Variants in LCLAT1 observed in about 807,000 individuals in gnomAD.
The protein encoded by LCLAT1 is lysocardiolipin acyltransferase 1.
A neutral mutation model predicts 30.7 loss-of-function variants in LCLAT1; 11 were observed. The ratio of observed to expected loss-of-function variants is 0.36; its 90% confidence interval spans 0.23 to 0.59. The LOEUF (loss-of-function observed/expected upper bound fraction) is 0.59. LCLAT1 is among the 20% of genes least tolerant of loss of function. The pLI is 0.77. For missense variants in LCLAT1, 402 were observed against 458.6 expected, an observed-to-expected ratio of 0.88 and a Z score of 1.13; for synonymous variants, 155 against 151.3, an observed-to-expected ratio of 1.02 and a Z score of -0.18.
rs752850355 is a variant in LCLAT1 at position 30,568,074 on chromosome 2, C to G, written c.526C>G (p.Arg176Gly). 2.6e-6 allele frequency: 4 copies of G among 1,560,446 alleles called. No homozygotes were observed. The highest frequency in any genetic ancestry group is 2.3e-5 in the South Asian group (2 of 87,552). ...GTDLTENSKSRSNAFAEKNGL... is the reference protein window; with the variant it reads ...GTDLTENSKSGSNAFAEKNGL... ...GTTTTGTTTAGAAAACAGCAAGTCTCGAAGTAATGCATTTGCTGAAAAAAA... is the reference window on the plus strand; with the variant it reads ...GTTTTGTTTAGAAAACAGCAAGTCTGGAAGTAATGCATTTGCTGAAAAAAA... The change falls in exon 5 of 6, where the codon CGA becomes GGA. Residue 176 changes from arginine (R) to glycine (G), a missense_variant. Coordinates refer to ENST00000379509, the MANE Select transcript of LCLAT1 (RefSeq NM_001002257.3).
At chr2:30,530,158 C>T (rs556395712) in intron 2 of LCLAT1, among the ~76,000 whole-genome samples, 29 of 152,252 alleles carry the variant, frequency 1.9e-4, no homozygotes, top group Non-Finnish European at 4.1e-4. Context: ...TGTTACTCTT[C>T]AATATAAGAA....
intron 3 of LCLAT1, among the ~76,000 whole-genome samples, chr2:30,549,486 T>G (rs1185991198): frequency 6.6e-6 from 1 of 152,168 alleles, no homozygotes; most frequent in Non-Finnish European, 1.5e-5. Context: ...AGAAAGAAAT[T>G]CAGAATTTGG....
chr2:30,617,304 T>C (rs1027587715), intron 5 of LCLAT1, among the ~76,000 whole-genome samples: 4 of 152,170 alleles, frequency 2.6e-5, no homozygotes, highest in Admixed American at 2.0e-4. Flanking sequence ...GTCATCTGTG[T>C]CTGGTTTAAG....
chr2:30,521,492 C>G (rs112179326), intron 1 of LCLAT1, among the ~76,000 whole-genome samples: 1 of 16,816 alleles, frequency 5.9e-5, no homozygotes, highest in African/African-American at 2.4e-4. Context: ...ACTACTTCTT[C>G]TTTTTTTTTT....
At chr2:30,451,919 C>G (rs1236634055) in intron 1 of LCLAT1, among the ~76,000 whole-genome samples, 4 of 152,274 alleles carry the variant, frequency 2.6e-5, no homozygotes, top group African/African-American at 9.6e-5. Flanking sequence ...CAGTAAAAGA[C>G]AATGGATTAT....
chr2:30,478,768 T>C (rs1179889498), intron 1 of LCLAT1, among the ~76,000 whole-genome samples: 1 of 152,162 alleles, frequency 6.6e-6, no homozygotes, highest in Non-Finnish European at 1.5e-5. Context: ...TGAAGTAACT[T>C]TCATAACCAG....
intron 1 of LCLAT1, among the ~76,000 whole-genome samples, chr2:30,505,020 C>T (rs927228427): frequency 6.6e-6 from 1 of 152,258 alleles, no homozygotes; most frequent in East Asian, 1.9e-4. Context: ...TACAGCTTGA[C>T]TGCATTCTTT....
chr2:30,539,556 C>T (rs938805761), intron 3 of LCLAT1, among the ~76,000 whole-genome samples: 1 of 152,046 alleles, frequency 6.6e-6, no homozygotes, highest in South Asian at 2.1e-4. Context: ...TATTTAAGAA[C>T]ATGTGTTATA....
At chr2:30,639,814 C>T (rs751321787) in intron 5 of LCLAT1, among the ~76,000 whole-genome samples, 2 of 152,154 alleles carry the variant, frequency 1.3e-5, no homozygotes, top group Non-Finnish European at 2.9e-5. Flanking sequence ...ATGTTTAATT[C>T]CCATCTCAAA....
intron 3 of LCLAT1, among the ~76,000 whole-genome samples, chr2:30,536,945 A>G (rs1686274688): frequency 6.6e-6 from 1 of 152,254 alleles, no homozygotes; most frequent in East Asian, 1.9e-4. Flanking sequence ...AATACAAAGC[A>G]GGACCCAACT....
At chr2:30,602,048 T>TTAGG (rs1667213750) in intron 5 of LCLAT1, among the ~76,000 whole-genome samples, 1 of 152,036 alleles carries the variant, frequency 6.6e-6, no homozygotes, top group Admixed American at 6.6e-5. Context: ...TTTCCTTTTG[T>TTAGG]TAGGTAGGAG....
rs192231898 is a variant in LCLAT1, at chr2:30,622,035, G to C, written c.629-18082G>C. On this transcript the variant is annotated intron_variant, in intron 5 of 5. Transcript: ENST00000379509. ...GGTTGTAGCCTGGGGCAGGTTCTCAGCCCTGCTCACCGGCTGCCTGGAAAT... is the reference window on the plus strand; with the variant it reads ...GGTTGTAGCCTGGGGCAGGTTCTCACCCCTGCTCACCGGCTGCCTGGAAAT... Among the ~76,000 whole-genome samples the C allele has an allele frequency of 1.5e-3, 235 of 152,266 alleles. 1 individual carries two copies. The highest frequency in any genetic ancestry group is 5.3e-3 in the African/African-American group (221 of 41,566).
intron 1 of LCLAT1, among the ~76,000 whole-genome samples, chr2:30,520,066 T>C (rs1403917515): frequency 3.3e-5 from 5 of 152,196 alleles, no homozygotes; most frequent in African/African-American, 1.2e-4. Flanking sequence ...TGAACACTTG[T>C]CTCTGGGTTC....
rs575230886 is a variant in LCLAT1, at chr2:30,509,365, A to G, written c.-4-16222A>G. On this transcript the variant is annotated intron_variant, in intron 1 of 5. Transcript: ENST00000379509. ...GCCAGTTATCAAGGGGAATGCCTTC[A>G]CTTTCGTCCATTCAGTATGATATTG... 7.9e-5 allele frequency among the ~76,000 whole-genome samples: 12 copies of G among 152,224 alleles called. No individual in the cohort carries two copies. The South Asian group carries it at 2.5e-3, about 32-fold the overall frequency.
At chr2:30,539,835 A>G (rs372099779) in intron 3 of LCLAT1, among the ~76,000 whole-genome samples, 5 of 152,254 alleles carry the variant, frequency 3.3e-5, no homozygotes, top group African/African-American at 7.2e-5. Context: ...TTTAAAGGTC[A>G]CAACTGCATA....
At chr2:30,470,083 A>G (rs1434244648) in intron 1 of LCLAT1, among the ~76,000 whole-genome samples, 1 of 152,084 alleles carries the variant, frequency 6.6e-6, no homozygotes, top group Non-Finnish European at 1.5e-5. Flanking sequence ...GAGTGTCAAA[A>G]TGGTCTTGTG....
At chr2:30,520,280 C>T (rs956142998) in intron 1 of LCLAT1, among the ~76,000 whole-genome samples, 1 of 152,184 alleles carries the variant, frequency 6.6e-6, no homozygotes, top group Non-Finnish European at 1.5e-5. Context: ...ATAAGAAAGA[C>T]ATAAGGCTAT....
At chr2:30,561,068 A>G (rs989533829) in intron 3 of LCLAT1, among the ~76,000 whole-genome samples, 31 of 151,892 alleles carry the variant, frequency 2.0e-4, no homozygotes, top group African/African-American at 7.5e-4. Flanking sequence ...CAGCCTCCTG[A>G]GTAGCTGGAA....
chr2:30,626,530 T>G (rs1047395524), intron 5 of LCLAT1, among the ~76,000 whole-genome samples: 2 of 152,234 alleles, frequency 1.3e-5, no homozygotes, highest in African/African-American at 4.8e-5. Flanking sequence ...GTATGTAATC[T>G]TAAATACTTA....
Sources: allele counts gnomAD v4.1 joint callset (sites outside exome capture counted in the v4.1 genomes callset), GRCh38; gene constraint gnomAD v4.1.1; transcripts MANE v1.5; gene names NCBI Gene and HGNC (gene_info 2026-07-23, HGNC 2026-07-21).